The following GRIP2 variants were observed in gnomAD, a reference collection of about 807,000 sequenced individuals.
The protein encoded by GRIP2 is glutamate receptor-interacting protein 2.
GRIP2 carries 58 observed loss-of-function variants against 108.3 expected under a neutral mutation model. The ratio of observed to expected loss-of-function variants is 0.54; its 90% CI spans 0.43 to 0.67. The LOEUF is 0.67. Ranked by LOEUF, GRIP2 falls within the 30% of genes least tolerant of loss-of-function variation. The pLI, the probability that GRIP2 is intolerant of heterozygous loss-of-function variation, is 0.00. For synonymous variants in GRIP2, 586 were observed against 598.2 expected, an observed-to-expected ratio of 0.98 and a Z score of 0.30; for missense variants, 1,278 against 1,430.6, an observed-to-expected ratio of 0.89 and a Z score of 1.72.
chr3:14,571,405 A>T, the GRIP2 span, among the ~76,000 whole-genome samples: 3 of 152,176 alleles, frequency 2.0e-5, no homozygotes, highest in African/African-American at 7.2e-5. Context: ...AGTGGAAACC[A>T]GGGGACCCTC....
chr3:14,544,930 C>T (rs1034429745), upstream of GRIP2, among the ~76,000 whole-genome samples: 1 of 152,220 alleles, frequency 6.6e-6, no homozygotes, highest in Non-Finnish European at 1.5e-5. Flanking sequence ...TCTTCCCCAG[C>T]CCTCATGGCC....
At position 14,521,584 on chromosome 3, in the gene GRIP2, C is replaced by A; in HGVS notation, c.712+58G>T. 2.0e-6 allele frequency: 3 copies of A among 1,517,888 alleles called. No homozygotes were observed. Among genetic ancestry groups the A allele is most frequent in the Middle Eastern group, 3.5e-4 (2 of 5,744 alleles). 94.0% of individuals were successfully genotyped at this position (1,517,888 alleles called of 1,614,324 possible). On this transcript the variant is annotated intron_variant, in intron 7 of 23. Transcript: ENST00000621039. The surrounding 1 kb of genome is among the most constrained non-coding windows in gnomAD (Gnocchi z 5.1). ...GGTAAAGATCCATGGCCACTGCCACCTCCCCCCATCCCAGGCCTCCTCCTG... is the reference window on the plus strand; with the variant it reads ...GGTAAAGATCCATGGCCACTGCCACATCCCCCCATCCCAGGCCTCCTCCTG...
the GRIP2 span, among the ~76,000 whole-genome samples, chr3:14,590,287 C>A: frequency 6.6e-6 from 1 of 152,084 alleles, no homozygotes; most frequent in African/African-American, 2.4e-5. Flanking sequence ...GCTTACTTTT[C>A]TTATTGATTT....
chr3:14,567,144 G>A, the GRIP2 span, among the ~76,000 whole-genome samples: 7 of 152,068 alleles, frequency 4.6e-5, no homozygotes, highest in African/African-American at 1.4e-4. Context: ...GATTCCCCTC[G>A]ATTTCCCTTT....
At chr3:14,515,586 T>C (rs1694225942) in intron 11 of GRIP2, among the ~76,000 whole-genome samples, 1 of 152,080 alleles carries the variant, frequency 6.6e-6, no homozygotes, top group Non-Finnish European at 1.5e-5. Flanking sequence ...TATTATACAT[T>C]ACAAAATGTG....
chr3:14,518,549 C>T (rs772792448), intron 9 of GRIP2, among the ~76,000 whole-genome samples: 1 of 152,128 alleles, frequency 6.6e-6, no homozygotes, highest in African/African-American at 2.4e-5. Context: ...CCCACTGCCC[C>T]GACCCCCTAG....
Position 14,517,215 on chromosome 3 carries a change from T to C in GRIP2, c.1157-2A>G, listed in dbSNP as rs752215282. On this transcript the variant is annotated splice_acceptor_variant, in intron 10 of 23. Coordinates refer to ENST00000621039, the MANE Select transcript of GRIP2 (RefSeq NM_001080423.4). LOFTEE classifies it high-confidence loss of function. Reference sequence around the variant, plus strand: ...AGGAAAAGGGAGTTGAAGACAAGGCTGGGGAGATGAGAGCACAGCCCCGTG... The same window carrying C: ...AGGAAAAGGGAGTTGAAGACAAGGCCGGGGAGATGAGAGCACAGCCCCGTG... The C allele has an allele frequency of 1.3e-6, 2 of 1,573,086 alleles. No homozygotes were observed. The highest frequency in any genetic ancestry group is 2.7e-5 in the African/African-American group (2 of 73,448).
At chr3:14,513,178 C>G (rs965716307) in intron 13 of GRIP2, among the ~76,000 whole-genome samples, 1 of 152,146 alleles carries the variant, frequency 6.6e-6, no homozygotes, top group Non-Finnish European at 1.5e-5. Flanking sequence ...TTCCTGAGCA[C>G]CTACTATGTG....
the GRIP2 span, among the ~76,000 whole-genome samples, chr3:14,596,950 C>T: frequency 1.3e-5 from 2 of 152,118 alleles, no homozygotes; most frequent in Non-Finnish European, 2.9e-5. Flanking sequence ...GCCATGTTGC[C>T]CAGGCTGGTC....
At chr3:14,576,173 C>T in the GRIP2 span, among the ~76,000 whole-genome samples, 27 of 152,182 alleles carry the variant, frequency 1.8e-4, no homozygotes, top group Non-Finnish European at 2.8e-4. Context: ...ACCAGGAACC[C>T]CAGGCAGATA....
intron 21 of GRIP2, among the ~76,000 whole-genome samples, chr3:14,502,284 G>C (rs1461644654): frequency 1.3e-5 from 2 of 152,152 alleles, no homozygotes; most frequent in African/African-American, 4.8e-5. Context: ...CTTGAGGCCA[G>C]AAGTTCGAGA....
the GRIP2 span, among the ~76,000 whole-genome samples, chr3:14,584,531 G>A: frequency 6.6e-6 from 1 of 152,154 alleles, no homozygotes; most frequent in Non-Finnish European, 1.5e-5. Flanking sequence ...AGGTGTGCTC[G>A]CTACAAGGAA....
intron 1 of GRIP2, among the ~76,000 whole-genome samples, chr3:14,530,034 C>T (rs1325145155): frequency 6.6e-6 from 1 of 152,128 alleles, no homozygotes; most frequent in Non-Finnish European, 1.5e-5. Flanking sequence ...GATTTCAGAA[C>T]CATGGAGGTA....
chr3:14,564,929 G>T, the GRIP2 span, among the ~76,000 whole-genome samples: 4 of 152,162 alleles, frequency 2.6e-5, no homozygotes, highest in African/African-American at 9.7e-5. Context: ...AAACACAGAC[G>T]CGCCTCTTGC....
At chr3:14,553,946 A>C (rs76538129) in intron 1 of GRIP2, among the ~76,000 whole-genome samples, 2,554 of 152,240 alleles carry the variant, frequency 0.017, 77 homozygotes, top group African/African-American at 0.058. Flanking sequence ...TCCTCAATCA[A>C]CCAGGTTGAG....
chr3:14,551,146 A>C (rs1695141207), intron 1 of GRIP2, among the ~76,000 whole-genome samples: 1 of 152,136 alleles, frequency 6.6e-6, no homozygotes, highest in Non-Finnish European at 1.5e-5. Context: ...GGTCAGCCTG[A>C]GTCCCTTGGC....
At chr3:14,529,641 C>T (rs1483478975) in intron 1 of GRIP2, among the ~76,000 whole-genome samples, 1 of 151,674 alleles carries the variant, frequency 6.6e-6, no homozygotes, top group Non-Finnish European at 1.5e-5. Flanking sequence ...TTATATTTTG[C>T]TCTTCCTTTT....
the GRIP2 span, among the ~76,000 whole-genome samples, chr3:14,579,397 C>T: frequency 6.6e-6 from 1 of 152,156 alleles, no homozygotes; most frequent in South Asian, 2.1e-4. Flanking sequence ...ACTGTATATA[C>T]ATTAGACTTC....
At position 14,494,934 on chromosome 3, in the gene GRIP2, C is replaced by A. The variant is rs775280157; in HGVS notation, c.2879G>T (p.Gly960Val). The A allele has an allele frequency of 1.9e-6, 3 of 1,613,942 alleles. No homozygotes were observed. The highest frequency in any genetic ancestry group is 2.5e-6 in the Non-Finnish European group (3 of 1,179,848). ...RHDFGFSVSD[G>V]LLEKGVYVHT... ...GACATAGACACCTTTTTCCAGGAGG[C>A]CATCTGAGACGCTGAAACCAAAGTC... Residue 960 changes from glycine (G) to valine (V), a missense_variant, in exon 23 of 24, where the codon GGC (glycine) becomes GTC (valine). By Grantham distance (109) the Gly-to-Val change is moderately radical. Coordinates refer to ENST00000621039, the MANE Select transcript of GRIP2 (RefSeq NM_001080423.4).
Sources: allele counts gnomAD v4.1 joint callset (sites outside exome capture counted in the v4.1 genomes callset), GRCh38; gene constraint gnomAD v4.1.1; non-coding constraint Gnocchi (gnomAD v3.1); transcripts MANE v1.5; gene names NCBI Gene and HGNC (gene_info 2026-07-23, HGNC 2026-07-21).